Variants in DAB1 observed in about 807,000 individuals in gnomAD.
The protein encoded by DAB1 is DAB adaptor protein 1.
In DAB1, 15 loss-of-function variants were observed where a neutral mutation model predicts 64.6. The ratio of observed to expected loss-of-function variants is 0.23; its 90% confidence interval spans 0.16 to 0.36. The LOEUF (loss-of-function observed/expected upper bound fraction) is 0.36. Ranked by LOEUF, DAB1 falls within the 10% of genes least tolerant of loss-of-function variation. The probability of loss-of-function intolerance (pLI) is 1.00; values close to 1 mark genes in which losing one functional copy is unlikely to be tolerated. For missense variants in DAB1, 596 were observed against 706.7 expected (o/e 0.84, Z 1.78); for synonymous variants, 235 against 251.9 (o/e 0.93, Z 0.64).
chr1:57,258,049 G>C (rs1669896886), intron 2 of DAB1, among the ~76,000 whole-genome samples: 1 of 152,240 alleles, frequency 6.6e-6, no homozygotes, highest in African/African-American at 2.4e-5. Flanking sequence ...TTTTCAACCT[G>C]TGACACTAGT....
intron 7 of DAB1, among the ~76,000 whole-genome samples, chr1:57,562,633 C>G (rs1241994358): frequency 2.0e-5 from 3 of 152,142 alleles, no homozygotes; most frequent in African/African-American, 7.2e-5. Context: ...TTCATGCGTC[C>G]AGGAATCAAA....
At chr1:58,481,032 G>A in intron 3 of DAB1, 2 of 871,700 alleles carry the variant, frequency 2.3e-6, no homozygotes, top group Non-Finnish European at 4.0e-6. Flanking sequence ...AATAGGAAGA[G>A]TATCCATTTT....
chr1:57,082,684 T>C (rs1652664481), intron 4 of DAB1, among the ~76,000 whole-genome samples: 1 of 152,084 alleles, frequency 6.6e-6, no homozygotes, highest in Admixed American at 6.6e-5. Flanking sequence ...TCCCTCCCCC[T>C]GATCCCCCAA....
chr1:57,138,954 T>C (rs910611332), intron 3 of DAB1, among the ~76,000 whole-genome samples: 1 of 152,166 alleles, frequency 6.6e-6, no homozygotes, highest in African/African-American at 2.4e-5. Flanking sequence ...TGGAGCCTAG[T>C]GTAAAGCAGG....
chr1:58,040,215 A>G (rs886615014), intron 5 of DAB1, among the ~76,000 whole-genome samples: 1 of 152,216 alleles, frequency 6.6e-6, no homozygotes, highest in Non-Finnish European at 1.5e-5. Flanking sequence ...GTTGATTATG[A>G]TGTCAGGAAA....
At chr1:58,447,694 G>A (rs1337909370) in intron 3 of DAB1, among the ~76,000 whole-genome samples, 1 of 152,156 alleles carries the variant, frequency 6.6e-6, no homozygotes, top group African/African-American at 2.4e-5. Flanking sequence ...GAGCTCGGAT[G>A]AACAATCAGG....
chr1:57,043,481 C>A (rs556018259), intron 9 of DAB1, among the ~76,000 whole-genome samples: 1 of 152,328 alleles, frequency 6.6e-6, no homozygotes, highest in South Asian at 2.1e-4. Context: ...TTCTCTTTTG[C>A]CCAAGAGTGC....
Position 58,536,610 on chromosome 1 carries a change from A to C in DAB1, n.33-9275T>G, listed in dbSNP as rs17117699. ...GATTGGACTTACTTCCAGGTGAGTA[A>C]AATAAAACACCACAAAGAGCAATCC... On this transcript the variant is annotated intron_variant and non_coding_transcript_variant, in intron 1 of 20. Transcript: ENST00000485760. 0.023 allele frequency: 19,642 copies of C among 872,832 alleles called. 565 individuals are homozygous for C. Among genetic ancestry groups the C allele is most frequent in the East Asian group, 0.12 (5,020 of 41,664 alleles). The allele number at this position is 872,832 out of a possible 1,614,324, so 54.1% of individuals were successfully genotyped here. A position where few individuals can be genotyped will look rare whatever the true frequency, so the allele number is the denominator to read the frequency against.
intron 6 of DAB1, among the ~76,000 whole-genome samples, chr1:57,769,289 C>G (rs1310904416): frequency 6.6e-6 from 1 of 152,162 alleles, no homozygotes; most frequent in Non-Finnish European, 1.5e-5. Flanking sequence ...CCTCTGCCCC[C>G]ATTGACCACA....
chr1:57,551,044 C>G (rs1218581162), intron 7 of DAB1, among the ~76,000 whole-genome samples: 6 of 152,142 alleles, frequency 3.9e-5, no homozygotes, highest in African/African-American at 1.4e-4. Context: ...CAAAATTACA[C>G]CAAGTAGTGA....
At chr1:58,332,252 A>G (rs1662986438) in intron 4 of DAB1, among the ~76,000 whole-genome samples, 1 of 152,000 alleles carries the variant, frequency 6.6e-6, no homozygotes, top group South Asian at 2.1e-4. Flanking sequence ...TGAATTATTT[A>G]TGACCTCACC....
chr1:57,663,256 G>T (rs147995286), intron 6 of DAB1, among the ~76,000 whole-genome samples: 162 of 152,268 alleles, frequency 1.1e-3, no homozygotes, highest in Admixed American at 4.4e-3. Context: ...TCACAATCAT[G>T]AGAACAGTGA....
At chr1:57,755,528 C>T (rs1648764920) in intron 6 of DAB1, among the ~76,000 whole-genome samples, 1 of 152,142 alleles carries the variant, frequency 6.6e-6, no homozygotes, top group Admixed American at 6.6e-5. Flanking sequence ...ACTTTTGTTA[C>T]TCTTGTGTTA....
At chr1:57,925,404 G>A (rs1229946903) in intron 5 of DAB1, among the ~76,000 whole-genome samples, 6 of 152,276 alleles carry the variant, frequency 3.9e-5, no homozygotes, top group Non-Finnish European at 8.8e-5. Flanking sequence ...TGAAATACAT[G>A]CACGCTTCAT....
At chr1:57,539,299 AAC>A (rs1404861559) in intron 7 of DAB1, among the ~76,000 whole-genome samples, 3 of 152,244 alleles carry the variant, frequency 2.0e-5, no homozygotes, top group Non-Finnish European at 4.4e-5. Context: ...GCTTTAAAAT[AAC>A]ACAATCTAAA....
At chr1:57,956,572 CA>C (rs1280780953) in intron 5 of DAB1, among the ~76,000 whole-genome samples, 9 of 152,152 alleles carry the variant, frequency 5.9e-5, no homozygotes, top group Non-Finnish European at 1.3e-4. Context: ...GGGAAGACCT[CA>C]TTAAATAAAG....
At position 57,537,238 on chromosome 1, in the gene DAB1, G is replaced by C. The variant is rs113529954; in HGVS notation, n.625+112354C>G. Among the ~76,000 whole-genome samples the C allele has an allele frequency of 6.6e-5, 10 of 152,246 alleles. 1 individual carries two copies. Among genetic ancestry groups the C allele is most frequent in the African/African-American group, 2.2e-4 (9 of 41,546 alleles). ...TGGACAGAGCTGCTCTAGTAGACTGGTTCCCAAACCTGCCTGGTCATGTGA... is the reference window on the plus strand; with the variant it reads ...TGGACAGAGCTGCTCTAGTAGACTGCTTCCCAAACCTGCCTGGTCATGTGA... On this transcript the variant is annotated intron_variant and non_coding_transcript_variant, in intron 7 of 20. Transcript: ENST00000485760.
intron 4 of DAB1, among the ~76,000 whole-genome samples, chr1:58,261,665 A>C (rs781081516): frequency 6.6e-6 from 1 of 152,012 alleles, no homozygotes; most frequent in Non-Finnish European, 1.5e-5. Context: ...TGATTGCATA[A>C]CTCTAATAAT....
chr1:57,132,882 TC>T (rs1216857229), intron 4 of DAB1, among the ~76,000 whole-genome samples: 1 of 152,152 alleles, frequency 6.6e-6, no homozygotes, highest in Non-Finnish European at 1.5e-5. Context: ...GGGAATCTGC[TC>T]TAATATAGAT....
Sources: gnomAD v4.1 joint callset for allele counts (sites outside exome capture counted in the v4.1 genomes callset) on GRCh38, gnomAD v4.1.1 for gene constraint, MANE v1.5 for transcripts, NCBI Gene and HGNC (gene_info 2026-07-23, HGNC 2026-07-21) for gene names.